Variants in SUMF1 observed in about 807,000 individuals in gnomAD.
SUMF1 encodes formylglycine-generating enzyme.
SUMF1 carries 48 observed loss-of-function variants against 47.6 expected under a neutral mutation model. That is an observed-to-expected ratio of 1.01 (90% CI 0.80 to 1.28). SUMF1 has a LOEUF of 1.28. Among genes scored for constraint, SUMF1 ranks in the 50% most tolerant of loss-of-function variants. The pLI, the probability that SUMF1 is intolerant of heterozygous loss-of-function variation, is 0.00. For missense variants in SUMF1, 571 were observed against 485.4 expected (o/e 1.18, Z -1.66); for synonymous variants, 230 against 192.1 (o/e 1.20, Z -1.63).
rs565576328 is a variant in SUMF1, at chr3:4,171,977, C to T, written c.1015-103232G>A. Among the ~76,000 whole-genome samples the T allele has an allele frequency of 7.2e-5, 11 of 152,192 alleles. 1 individual carries two copies. The highest frequency in any genetic ancestry group is 2.6e-4 in the African/African-American group (11 of 41,526). On this transcript the variant is annotated intron_variant and NMD_transcript_variant, in intron 8 of 12. Transcript: ENST00000448413. Reference sequence around the variant, plus strand: ...CTTAAATCACTTTTAAGAAGTGATGCTATCAAATGTATGTTTTAGAAAGAT... The same window carrying T: ...CTTAAATCACTTTTAAGAAGTGATGTTATCAAATGTATGTTTTAGAAAGAT...
At chr3:4,175,311 G>A (rs766901481) in intron 8 of SUMF1, among the ~76,000 whole-genome samples, 1 of 152,054 alleles carries the variant, frequency 6.6e-6, no homozygotes, top group African/African-American at 2.4e-5. Flanking sequence ...ACAGCCAGCT[G>A]CCCCTCTGAG....
chr3:4,351,641 A>C (rs965241030), intron 8 of SUMF1, among the ~76,000 whole-genome samples: 1 of 152,220 alleles, frequency 6.6e-6, no homozygotes, highest in Non-Finnish European at 1.5e-5. Context: ...CCTAAAAAAA[A>C]GTCCATTTCT....
chr3:4,121,483 A>C (rs1046365395), intron 8 of SUMF1, among the ~76,000 whole-genome samples: 15 of 152,274 alleles, frequency 9.9e-5, no homozygotes, highest in South Asian at 2.1e-4. Flanking sequence ...CTTTATGATT[A>C]GTACAACTGG....
intron 3 of SUMF1, among the ~76,000 whole-genome samples, chr3:4,430,220 G>A (rs1702190952): frequency 6.6e-6 from 1 of 152,136 alleles, no homozygotes; most frequent in Non-Finnish European, 1.5e-5. Flanking sequence ...ACCATCAAAG[G>A]AGTCACAGTA....
chr3:4,081,235 G>T (rs1207950707), intron 8 of SUMF1, among the ~76,000 whole-genome samples: 4 of 152,042 alleles, frequency 2.6e-5, no homozygotes. Context: ...GCAAAGCCAG[G>T]ACCAGAACCC....
chr3:4,343,111 C>A (rs1371531910), intron 8 of SUMF1, among the ~76,000 whole-genome samples: 1 of 152,218 alleles, frequency 6.6e-6, no homozygotes, highest in Non-Finnish European at 1.5e-5. Context: ...CTAACACAAG[C>A]CAGGCCTAGG....
chr3:4,182,998 C>G (rs1695127996), intron 8 of SUMF1, among the ~76,000 whole-genome samples: 1 of 152,112 alleles, frequency 6.6e-6, no homozygotes, highest in African/African-American at 2.4e-5. Context: ...CTGAGGTTGG[C>G]TTGAGGGTTT....
Position 4,219,721 on chromosome 3 carries a change from A to G in SUMF1, c.1015-150976T>C, listed in dbSNP as rs116131426. Among the ~76,000 whole-genome samples, 856 of 152,282 alleles carry G rather than the reference A, an allele frequency of 5.6e-3. 11 individuals carry two copies. The highest frequency in any genetic ancestry group is 0.02 in the African/African-American group (814 of 41,564). ...ATATTGTTTCTGAGGTACCTCCATA[A>G]GAAATACACTGGGAATATGTTAAAA... is the stretch of plus-strand genomic sequence containing the variant. On this transcript the variant is annotated intron_variant and NMD_transcript_variant, in intron 8 of 12. Coordinates refer to the SUMF1 transcript ENST00000448413.
chr3:4,458,441 C>T (rs953994656), intron 1 of SUMF1, among the ~76,000 whole-genome samples: 2 of 152,156 alleles, frequency 1.3e-5, no homozygotes, highest in African/African-American at 4.8e-5. Flanking sequence ...AAATTCATGG[C>T]AGCATTATTC....
At chr3:4,431,461 C>A (rs1201541090) in intron 3 of SUMF1, among the ~76,000 whole-genome samples, 1 of 152,222 alleles carries the variant, frequency 6.6e-6, no homozygotes, top group Non-Finnish European at 1.5e-5. Flanking sequence ...CTCAGCCACA[C>A]TGAGAGAGAA....
In SUMF1 at chr3:4,346,278, GT is replaced by G. The variant is rs201578973; in HGVS notation, c.1014+30051del. ...TCTAAAATCGGCCACATAATTGGAA[GT>G]AAAACACTCCTCAGTAAATGCAAAA... is the stretch of plus-strand genomic sequence containing the variant. On this transcript the variant is annotated intron_variant and NMD_transcript_variant, in intron 8 of 12. Transcript: ENST00000448413. Among the ~76,000 whole-genome samples the G allele has an allele frequency of 4.8e-3, 733 of 152,302 alleles. 7 individuals carry two copies. Among genetic ancestry groups the G allele is most frequent in the African/African-American group, 0.017 (707 of 41,564 alleles).
intron 8 of SUMF1, among the ~76,000 whole-genome samples, chr3:4,348,871 G>A (rs192250411): frequency 2.0e-4 from 30 of 152,164 alleles, no homozygotes; most frequent in South Asian, 8.3e-4. Flanking sequence ...GCGAAGCGCC[G>A]TCTCAAACAA....
intron 1 of SUMF1, among the ~76,000 whole-genome samples, chr3:4,458,772 C>T (rs1407301438): frequency 6.6e-6 from 1 of 152,020 alleles, no homozygotes; most frequent in Non-Finnish European, 1.5e-5. Flanking sequence ...AGGAGAATGG[C>T]GTGAACCTGG....
chr3:4,323,594 A>G (rs1698882762), intron 8 of SUMF1, among the ~76,000 whole-genome samples: 1 of 152,196 alleles, frequency 6.6e-6, no homozygotes. Context: ...GAGAAAGAGA[A>G]GGAGGAGCAG....
At chr3:4,062,563 G>A (rs895501961) in intron 9 of SUMF1, among the ~76,000 whole-genome samples, 3 of 152,174 alleles carry the variant, frequency 2.0e-5, no homozygotes, top group African/African-American at 7.2e-5. Context: ...AATTTTATTA[G>A]ATAGAAAGAA....
At chr3:4,171,828 G>T (rs1236523267) in intron 8 of SUMF1, among the ~76,000 whole-genome samples, 1 of 152,150 alleles carries the variant, frequency 6.6e-6, no homozygotes, top group Non-Finnish European at 1.5e-5. Flanking sequence ...TCAGGAAAAA[G>T]CAAGTTCTTC....
intron 8 of SUMF1, among the ~76,000 whole-genome samples, chr3:4,298,156 T>C (rs1697891566): frequency 6.6e-6 from 1 of 152,196 alleles, no homozygotes; most frequent in Non-Finnish European, 1.5e-5. Context: ...GGAAATCTAT[T>C]AGGGCAATTC....
intron 1 of SUMF1, among the ~76,000 whole-genome samples, chr3:4,456,421 T>C (rs2079599809): frequency 6.6e-6 from 1 of 151,116 alleles, no homozygotes; most frequent in Non-Finnish European, 1.5e-5. Context: ...AGACGTTATG[T>C]TGTCCCTGAC....
chr3:4,371,112 A>G (rs1700153699), intron 8 of SUMF1, among the ~76,000 whole-genome samples: 1 of 152,238 alleles, frequency 6.6e-6, no homozygotes, highest in South Asian at 2.1e-4. Context: ...CAACTAATAA[A>G]GCACATAATT....
Sources: allele counts gnomAD v4.1 joint callset (sites outside exome capture counted in the v4.1 genomes callset), GRCh38; gene constraint gnomAD v4.1.1; transcripts MANE v1.5; gene names NCBI Gene and HGNC (gene_info 2026-07-23, HGNC 2026-07-21).